Variants in TSPAN14 observed in about 807,000 individuals in gnomAD.
The protein encoded by TSPAN14 is tetraspanin-14.
Under a neutral mutation model 36.6 loss-of-function variants are expected in TSPAN14, and 16 were observed. The observed-to-expected ratio is 0.44, with a 90% CI of 0.30 to 0.66. TSPAN14 has a LOEUF of 0.66. Among genes scored for constraint, TSPAN14 ranks in the 30% least tolerant of loss-of-function variants. The probability of loss-of-function intolerance (pLI) is 0.12; values close to 1 mark genes in which losing one functional copy is unlikely to be tolerated. For synonymous variants in TSPAN14, 139 were observed against 143.8 expected (o/e 0.97, Z 0.24); for missense variants, 231 against 355.1 (o/e 0.65, Z 2.81).
chr10:80,484,090 CA>C (rs1439866270), intron 1 of TSPAN14, among the ~76,000 whole-genome samples: 3 of 151,560 alleles, frequency 2.0e-5, no homozygotes, highest in Admixed American at 6.6e-5. Flanking sequence ...ACAAAAAATA[CA>C]AAAATTAGCC....
chr10:80,511,212 C>T (rs1158145029), intron 5 of TSPAN14, among the ~76,000 whole-genome samples: 3 of 152,138 alleles, frequency 2.0e-5, no homozygotes, highest in Non-Finnish European at 4.4e-5. Flanking sequence ...TAAGGATTTT[C>T]TTTGTAGCCA....
rs540987779 is a variant in TSPAN14, at chr10:80,505,297, C to G, written c.132+519C>G. 3.9e-5 allele frequency among the ~76,000 whole-genome samples: 6 copies of G among 152,180 alleles called. No homozygotes were observed. The East Asian group carries it at 1.2e-3, about 29-fold the overall frequency. On this transcript the variant is annotated intron_variant, in intron 3 of 8. Coordinates refer to ENST00000429989, the Ensembl canonical transcript of TSPAN14. ...GGAGTGGAGACCTGGCTCCTACTGT[C>G]GGGAAGGACATGGTGCAGTTGCGGC...
intron 1 of TSPAN14, among the ~76,000 whole-genome samples, chr10:80,474,802 G>C (rs1246675498): frequency 6.6e-6 from 1 of 152,108 alleles, no homozygotes; most frequent in Non-Finnish European, 1.5e-5. Context: ...TTTCTCCACT[G>C]TCATGTCATC....
intron 1 of TSPAN14, among the ~76,000 whole-genome samples, chr10:80,473,492 G>A (rs1256372173): frequency 6.6e-6 from 1 of 152,128 alleles, no homozygotes; most frequent in Non-Finnish European, 1.5e-5. Flanking sequence ...GCCATCCAGG[G>A]CTGGCGGTCA....
intron 6 of TSPAN14, 128 bp from the exon 7 acceptor site, chr10:80,513,891 T>C (rs1840789413): frequency 1.3e-6 from 1 of 772,504 alleles, no homozygotes; most frequent in Non-Finnish European, 2.2e-6. Flanking sequence ...GTGGCATGAT[T>C]GAAGGACATG....
At chr10:80,500,553 T>C (rs1263489398) in intron 2 of TSPAN14, among the ~76,000 whole-genome samples, 16 of 151,998 alleles carry the variant, frequency 1.1e-4, no homozygotes, top group Admixed American at 1.0e-3. Flanking sequence ...GGTCTCAAAC[T>C]CTTGACCTCA....
At chr10:80,487,517 G>A (rs577495093) in intron 1 of TSPAN14, among the ~76,000 whole-genome samples, 111 of 152,302 alleles carry the variant, frequency 7.3e-4, no homozygotes, top group African/African-American at 3.4e-4. Flanking sequence ...GAGGTCCTGA[G>A]AGAGCAGGGA....
At chr10:80,510,091 AC>A (rs1840535149) in intron 5 of TSPAN14, among the ~76,000 whole-genome samples, 2 of 152,184 alleles carry the variant, frequency 1.3e-5, no homozygotes. Context: ...CTGCACCTGG[AC>A]GCTTGGACCA....
exon 9 of TSPAN14, chr10:80,520,799 C>T (rs757868123): frequency 5.6e-6 from 3 of 533,388 alleles, no homozygotes; most frequent in Non-Finnish European, 1.2e-5. Flanking sequence ...TCCCAATTGT[C>T]AACTCTGGCC....
At chr10:80,459,932 G>T (rs1845895217) in intron 1 of TSPAN14, among the ~76,000 whole-genome samples, 1 of 152,098 alleles carries the variant, frequency 6.6e-6, no homozygotes, top group Non-Finnish European at 1.5e-5. Context: ...TCTTTTTCTG[G>T]GGCTTGTTAG....
At chr10:80,484,447 C>CT (rs1564725346) in intron 1 of TSPAN14, among the ~76,000 whole-genome samples, 6 of 152,064 alleles carry the variant, frequency 3.9e-5, no homozygotes, top group Non-Finnish European at 5.9e-5. Context: ...GCCTCAGCCT[C>CT]CCACGTAGCT....
At chr10:80,499,841 G>C (rs984603529) in intron 2 of TSPAN14, among the ~76,000 whole-genome samples, 9 of 152,192 alleles carry the variant, frequency 5.9e-5, no homozygotes, top group Non-Finnish European at 1.0e-4. Context: ...AGAGGAGGCT[G>C]GCCTCTCCTC....
chr10:80,515,972 G>A, intron 7 of TSPAN14: 1 of 551,050 alleles, frequency 1.8e-6, no homozygotes, highest in Non-Finnish European at 3.2e-6. Flanking sequence ...AGACCTGAAA[G>A]GAAACAGCCA....
chr10:80,461,815 C>T (rs1331220637), intron 1 of TSPAN14, among the ~76,000 whole-genome samples: 1 of 151,888 alleles, frequency 6.6e-6, no homozygotes, highest in Non-Finnish European at 1.5e-5. Context: ...ACAGGCAAGA[C>T]CTGCTGAGGG....
rs201338062 is a variant in TSPAN14 at position 80,509,302 on chromosome 10, T to C, written c.281T>C (p.Phe94Ser). Residue 94 changes from phenylalanine (F) to serine (S), a missense_variant and splice_region_variant, in exon 5 of 9, where the codon TTC (phenylalanine) becomes TCC (serine). Coordinates refer to ENST00000429989, the Ensembl canonical transcript of TSPAN14. The surrounding 1 kb of genome is among the most constrained non-coding windows in gnomAD (Gnocchi z 4.7). Reference sequence around the variant, plus strand: ...TGCTCCCGTCCCCTTCCCCTGCAGTTCTGTGGCACCATCGTGCTCATCTTC... The same window carrying C: ...TGCTCCCGTCCCCTTCCCCTGCAGTCCTGTGGCACCATCGTGCTCATCTTC... 3.7e-6 allele frequency: 6 copies of C among 1,613,490 alleles called. No individual in the cohort carries two copies. The highest frequency in any genetic ancestry group is 5.1e-6 in the Non-Finnish European group (6 of 1,179,832).
intron 1 of TSPAN14, among the ~76,000 whole-genome samples, chr10:80,458,167 T>A (rs1008590309): frequency 1.3e-5 from 2 of 152,224 alleles, no homozygotes. Flanking sequence ...CAGGCAGGCC[T>A]GGTCCTCCCC....
chr10:80,514,895 C>T (rs1297627708), intron 7 of TSPAN14, among the ~76,000 whole-genome samples: 2 of 152,034 alleles, frequency 1.3e-5, no homozygotes, highest in African/African-American at 4.8e-5. Flanking sequence ...GTAAGAGGCC[C>T]AGAGAGCTTA....
At chr10:80,507,347 G>A in exon 4 of TSPAN14, 3 of 1,614,236 alleles carry the variant, frequency 1.9e-6, no homozygotes, top group Non-Finnish European at 2.5e-6. Context: ...TGGGGGCTCT[G>A]CGGGAGAATA....
chr10:80,467,397 G>A (rs534708277), intron 1 of TSPAN14, among the ~76,000 whole-genome samples: 1 of 152,246 alleles, frequency 6.6e-6, no homozygotes, highest in African/African-American at 2.4e-5. Flanking sequence ...ATTCTTTCTG[G>A]GAAAAACACA....
Sources: gnomAD v4.1 joint callset for allele counts (sites outside exome capture counted in the v4.1 genomes callset) on GRCh38, gnomAD v4.1.1 for gene constraint, Gnocchi (gnomAD v3.1) non-coding constraint, MANE v1.5 for transcripts, NCBI Gene and HGNC (gene_info 2026-07-23, HGNC 2026-07-21) for gene names.